Variants in PDE4D observed in about 807,000 individuals in gnomAD.
PDE4D encodes 3',5'-cyclic-AMP phosphodiesterase 4D.
PDE4D carries 24 observed loss-of-function variants against 87.4 expected under a neutral mutation model. The observed-to-expected ratio is 0.27, with a 90% CI of 0.20 to 0.39. PDE4D has a LOEUF of 0.39. Ranked by LOEUF, PDE4D falls within the 10% of genes least tolerant of loss-of-function variation. PDE4D has a pLI of 1.00. For missense variants in PDE4D, 714 were observed against 1,041.0 expected (o/e 0.69, Z 4.32); for synonymous variants, 384 against 383.2 (o/e 1.00, Z -0.02).
chr5:59,206,719 G>T (rs1748872182), intron 2 of PDE4D, among the ~76,000 whole-genome samples: 2 of 152,138 alleles, frequency 1.3e-5, no homozygotes, highest in African/African-American at 4.8e-5. Context: ...CATGGAGTAG[G>T]TGCTACTGTT....
chr5:59,783,814 C>A (rs1764864260), intron 1 of PDE4D, among the ~76,000 whole-genome samples: 1 of 152,110 alleles, frequency 6.6e-6, no homozygotes, highest in Admixed American at 6.5e-5. Context: ...CACCTGTAAC[C>A]CCAGCACTTT....
chr5:59,930,849 A>G (rs1275052722), intron 3 of PDE4D, among the ~76,000 whole-genome samples: 1 of 152,254 alleles, frequency 6.6e-6, no homozygotes, highest in Non-Finnish European at 1.5e-5. Context: ...ATTGCCAGAA[A>G]TGATTGTTTC....
chr5:59,424,266 C>G (rs1248834335), intron 1 of PDE4D, among the ~76,000 whole-genome samples: 2 of 152,082 alleles, frequency 1.3e-5, no homozygotes, highest in African/African-American at 2.4e-5. Context: ...AATTTTTACC[C>G]AGAAGTAGGG....
chr5:58,977,986 T>G (rs890578296), intron 11 of PDE4D, among the ~76,000 whole-genome samples: 14 of 152,102 alleles, frequency 9.2e-5, no homozygotes, highest in African/African-American at 3.1e-4. Context: ...TGTTTGGCTG[T>G]CTGTATACCC....
At chr5:59,508,197 A>G (rs2153667362) in intron 1 of PDE4D, among the ~76,000 whole-genome samples, 1 of 152,280 alleles carries the variant, frequency 6.6e-6, no homozygotes, top group South Asian at 2.1e-4. Context: ...ACAGAGAAAG[A>G]ACTCACATTC....
At chr5:59,828,611 C>T (rs1484145183) in intron 1 of PDE4D, among the ~76,000 whole-genome samples, 1 of 152,058 alleles carries the variant, frequency 6.6e-6, no homozygotes, top group Non-Finnish European at 1.5e-5. Context: ...GTACTCCTAT[C>T]ACTGCTTATG....
rs188081083 is a variant in PDE4D, at chr5:59,838,567, T to A, written c.455+54601A>T. On this transcript the variant is annotated intron_variant, in intron 1 of 14. Transcript: ENST00000340635. ...TTCCTCTCTCTACTTTCCCTTCGGT[T>A]TTGAATCTAGTTTTTAGGAAATGTC... is the stretch of plus-strand genomic sequence containing the variant. Among the ~76,000 whole-genome samples, 20 of 152,210 alleles carry A rather than the reference T, an allele frequency of 1.3e-4. No homozygotes were observed. In the East Asian group the frequency reaches 3.9e-3, roughly 30 times the overall value.
chr5:59,264,654 A>G (rs998387508), intron 1 of PDE4D, among the ~76,000 whole-genome samples: 11 of 151,994 alleles, frequency 7.2e-5, no homozygotes, highest in African/African-American at 2.4e-4. Flanking sequence ...GGTGAACTCC[A>G]CCCTCAATCA....
intron 1 of PDE4D, among the ~76,000 whole-genome samples, chr5:59,797,451 G>C (rs17369962): frequency 0.03 from 4,641 of 152,284 alleles, 103 homozygotes; most frequent in Non-Finnish European, 0.044. Flanking sequence ...TGTTCTGCTG[G>C]AGCCATTAAG....
At chr5:59,417,968 T>G (rs1267227301) in intron 1 of PDE4D, among the ~76,000 whole-genome samples, 1 of 152,208 alleles carries the variant, frequency 6.6e-6, no homozygotes, top group Non-Finnish European at 1.5e-5. Flanking sequence ...CTTTTCCTGA[T>G]AGGTTTGCAT....
chr5:60,174,922 G>C (rs1239784964), intron 2 of PDE4D, among the ~76,000 whole-genome samples: 5 of 151,992 alleles, frequency 3.3e-5, no homozygotes, highest in African/African-American at 9.7e-5. Context: ...TATCTTGCTT[G>C]ATATACTTGG....
At chr5:59,109,002 T>TGTGTGG (rs1554071099) in intron 5 of PDE4D, among the ~76,000 whole-genome samples, 117 of 143,362 alleles carry the variant, frequency 8.2e-4, no homozygotes, top group African/African-American at 3.0e-3. Context: ...TGTGTGTGTG[T>TGTGTGG]GGTGTAGGCC....
chr5:59,963,551 G>A (rs1759702853), intron 3 of PDE4D, among the ~76,000 whole-genome samples: 1 of 59,720 alleles, frequency 1.7e-5, no homozygotes, highest in Non-Finnish European at 3.5e-5. Context: ...AAACGGGCTG[G>A]CTTCTGAAGC....
chr5:60,385,982 G>T (rs747700384), intron 1 of PDE4D, among the ~76,000 whole-genome samples: 1 of 152,060 alleles, frequency 6.6e-6, no homozygotes, highest in African/African-American at 2.4e-5. Flanking sequence ...ACACCAGGCT[G>T]CCAGAGTGTG....
At chr5:60,410,835 T>A (rs1359197943) in intron 1 of PDE4D, among the ~76,000 whole-genome samples, 1 of 152,236 alleles carries the variant, frequency 6.6e-6, no homozygotes, top group Non-Finnish European at 1.5e-5. Context: ...ATGATGGCAA[T>A]GAGCCTCAGA....
intron 5 of PDE4D, among the ~76,000 whole-genome samples, chr5:59,101,624 C>A (rs182293900): frequency 6.3e-4 from 95 of 151,974 alleles, no homozygotes; most frequent in African/African-American, 2.3e-3. Context: ...ACTATAAAGG[C>A]AAAACTGGAT....
chr5:59,525,539 C>T (rs951677039), intron 1 of PDE4D, among the ~76,000 whole-genome samples: 19 of 152,152 alleles, frequency 1.2e-4, no homozygotes, highest in African/African-American at 2.7e-4. Context: ...ATTGAGTTAA[C>T]GCTGAAATGA....
intron 1 of PDE4D, among the ~76,000 whole-genome samples, chr5:59,577,386 A>G (rs1161817048): frequency 6.6e-6 from 1 of 152,152 alleles, no homozygotes; most frequent in Non-Finnish European, 1.5e-5. Context: ...ATCAGAGCTC[A>G]GTCCTGGAGG....
At chr5:60,367,132 C>T (rs928516327) in intron 1 of PDE4D, among the ~76,000 whole-genome samples, 1 of 152,040 alleles carries the variant, frequency 6.6e-6, no homozygotes, top group African/African-American at 2.4e-5. Context: ...AAGCAATTTA[C>T]AAGAAGAATT....
Sources: gnomAD v4.1 joint callset for allele counts (sites outside exome capture counted in the v4.1 genomes callset) on GRCh38, gnomAD v4.1.1 for gene constraint, MANE v1.5 for transcripts, NCBI Gene and HGNC (gene_info 2026-07-23, HGNC 2026-07-21) for gene names.